The following ZBTB46 variants were observed in gnomAD, a reference collection of about 807,000 sequenced individuals.
The protein encoded by ZBTB46 is zinc finger and BTB domain-containing protein 46.
In ZBTB46, 8 loss-of-function variants were observed where a neutral mutation model predicts 44.1. The observed-to-expected ratio is 0.18, with a 90% CI of 0.11 to 0.33. The LOEUF is 0.33. Ranked by LOEUF, ZBTB46 falls within the 10% of genes least tolerant of loss-of-function variation. ZBTB46 has a pLI of 1.00. For missense variants in ZBTB46, 651 were observed against 847.7 expected, an observed-to-expected ratio of 0.77 and a Z score of 2.88; for synonymous variants, 409 against 382.3, an observed-to-expected ratio of 1.07 and a Z score of -0.81.
At chr20:63,802,586 G>A (rs1277435490) in intron 1 of ZBTB46, among the ~76,000 whole-genome samples, 2 of 151,714 alleles carry the variant, frequency 1.3e-5, no homozygotes, top group African/African-American at 2.4e-5. Flanking sequence ...CCCAGAAACC[G>A]CGGCGGGCCG....
chr20:63,782,298 A>C lies in ZBTB46; in HGVS notation c.938-6336T>G, dbSNP rs145580385. Among the ~76,000 whole-genome samples, 362 of 152,034 alleles carry C rather than the reference A, an allele frequency of 2.4e-3. 1 individual carries two copies. Among genetic ancestry groups the C allele is most frequent in the African/African-American group, 7.8e-3 (324 of 41,498 alleles). ...GTCCTGGATGAGCCACGTGGGCCCT[A>C]AACGGACCCACCAGGGCCCCGTCAG... On this transcript the variant is annotated intron_variant, in intron 2 of 4. Transcript: ENST00000245663.
intron 3 of ZBTB46, among the ~76,000 whole-genome samples, chr20:63,757,551 C>A (rs183910067): frequency 6.6e-6 from 1 of 152,184 alleles, no homozygotes; most frequent in Non-Finnish European, 1.5e-5. Flanking sequence ...GCGTGTCTAC[C>A]CTGCATCACC....
intron 1 of ZBTB46, among the ~76,000 whole-genome samples, chr20:63,823,858 T>TCG (rs1555859083): frequency 3.5e-5 from 5 of 144,718 alleles, no homozygotes; most frequent in Non-Finnish European, 7.5e-5. Flanking sequence ...TCTAGGAACC[T>TCG]TGTGTGTGTG....
upstream of ZBTB46, among the ~76,000 whole-genome samples, chr20:63,832,386 G>A (rs1169619758): frequency 6.7e-6 from 1 of 148,190 alleles, no homozygotes; most frequent in Non-Finnish European, 1.5e-5. This position sits in a 1 kb window ranked among gnomAD's most constrained non-coding sequence, Gnocchi z 5.0. Flanking sequence ...AGCCCGGCCC[G>A]GCCAACCAAT....
intron 1 of ZBTB46, among the ~76,000 whole-genome samples, chr20:63,809,108 G>C (rs1301475269): frequency 6.6e-6 from 1 of 151,876 alleles, no homozygotes. Flanking sequence ...GGCTCTCCAC[G>C]TTCGCCTTCC....
Position 63,787,065 on chromosome 20 carries a change from C to T in ZBTB46, c.937+2756G>A, listed in dbSNP as rs548572711. Among the ~76,000 whole-genome samples, 3 of 152,202 alleles carry T rather than the reference C, an allele frequency of 2.0e-5. No homozygotes were observed. The highest frequency in any genetic ancestry group is 1.9e-4 in the East Asian group (1 of 5,182). The stretch of plus-strand genomic sequence containing the variant: ...GTGTCAAAGTAGAACAGCATTTACC[C>T]GCAGGTGGGGTAGAGGCAAGAGGAA... On this transcript the variant is annotated intron_variant, in intron 2 of 4. Coordinates refer to ENST00000245663, the MANE Select transcript of ZBTB46 (RefSeq NM_001369741.1). This position sits in a 1 kb window ranked among gnomAD's most constrained non-coding sequence, Gnocchi z 4.6.
intron 1 of ZBTB46, among the ~76,000 whole-genome samples, chr20:63,807,406 G>A (rs1280919753): frequency 6.6e-6 from 1 of 152,070 alleles, no homozygotes; most frequent in Non-Finnish European, 1.5e-5. Context: ...GTGCAGTGGC[G>A]CCATCTTGGC....
chr20:63,764,605 GTT>G (rs11479608), intron 3 of ZBTB46, among the ~76,000 whole-genome samples: 7,581 of 141,826 alleles, frequency 0.053, 217 homozygotes, highest in African/African-American at 0.072. Flanking sequence ...TTTTTTCTCT[GTT>G]TTTTTTTTTT....
chr20:63,764,413 G>A (rs1175643520), intron 3 of ZBTB46, among the ~76,000 whole-genome samples: 1 of 151,722 alleles, frequency 6.6e-6, no homozygotes, highest in Non-Finnish European at 1.5e-5. Context: ...TCCAGCCTAG[G>A]TGACTGAGCG....
At chr20:63,824,109 C>T (rs1373738290) in intron 1 of ZBTB46, among the ~76,000 whole-genome samples, 1 of 152,018 alleles carries the variant, frequency 6.6e-6, no homozygotes, top group Non-Finnish European at 1.5e-5. Flanking sequence ...AACAAGCAGA[C>T]ACGTCCCACC....
chr20:63,800,003 C>T (rs576008942), intron 1 of ZBTB46, among the ~76,000 whole-genome samples: 8 of 152,312 alleles, frequency 5.3e-5, no homozygotes, highest in Non-Finnish European at 7.3e-5. Context: ...ACACCAGCTT[C>T]GCTCAGAACA....
intron 1 of ZBTB46, among the ~76,000 whole-genome samples, chr20:63,797,237 G>A (rs2092610826): frequency 7.0e-6 from 1 of 143,228 alleles, no homozygotes; most frequent in African/African-American, 2.6e-5. Context: ...CCACCTATGA[G>A]TCAGAACATG....
At chr20:63,796,402 T>G (rs2092604605) in intron 1 of ZBTB46, among the ~76,000 whole-genome samples, 1 of 152,210 alleles carries the variant, frequency 6.6e-6, no homozygotes, top group African/African-American at 2.4e-5. Context: ...TCCAAACCAC[T>G]CAGCGGGCAA....
rs1331398248 is a variant in ZBTB46, at chr20:63,828,532, G to A, written c.-34+2565C>T. On this transcript the variant is annotated intron_variant, in intron 1 of 4. Transcript: ENST00000245663. ...TTTAAATCTGCTAGAAAAACCAGTAGAGGGAAGTATCAACCATCACTCAAG... is the reference window on the plus strand; with the variant it reads ...TTTAAATCTGCTAGAAAAACCAGTAAAGGGAAGTATCAACCATCACTCAAG... Among the ~76,000 whole-genome samples the A allele has an allele frequency of 4.6e-5, 7 of 152,104 alleles. No homozygotes were observed. The East Asian group carries it at 1.3e-3, about 29-fold the overall frequency.
intron 1 of ZBTB46, among the ~76,000 whole-genome samples, chr20:63,798,842 TAAA>T (rs576160058): frequency 2.5e-5 from 3 of 117,820 alleles, no homozygotes; most frequent in Non-Finnish European, 1.8e-5. Flanking sequence ...AGACTCTGTC[TAAA>T]AAAAAAAAAA....
intron 1 of ZBTB46, among the ~76,000 whole-genome samples, chr20:63,806,026 C>T (rs1160463533): frequency 6.6e-6 from 1 of 151,568 alleles, no homozygotes; most frequent in Admixed American, 6.6e-5. Flanking sequence ...CTACCCGCCT[C>T]CGCCTCCCAA....
At chr20:63,782,122 C>T (rs1490622801) in intron 2 of ZBTB46, among the ~76,000 whole-genome samples, 8 of 151,346 alleles carry the variant, frequency 5.3e-5, no homozygotes, top group Non-Finnish European at 1.2e-4. Flanking sequence ...TGGCGATTTT[C>T]ACCAAAATCC....
rs1331772350 is a variant in ZBTB46 at position 63,747,321 on chromosome 20, G to C, written c.1399-20C>G. The stretch of plus-strand genomic sequence containing the variant: ...GTGGACCTGCAGAGGCAGGGCAGGG[G>C]GTGAGCAGGGCCTGGTGGGTTGGGG... On this transcript the variant is annotated intron_variant, in intron 4 of 4. Transcript: ENST00000245663. The C allele has an allele frequency of 7.1e-7, 1 of 1,399,118 alleles. No individual in the cohort carries two copies. The highest frequency in any genetic ancestry group is 3.4e-5 in the East Asian group (1 of 29,160). 86.7% of individuals were successfully genotyped at this position (1,399,118 alleles called of 1,614,324 possible).
chr20:63,808,902 G>C (rs1272963487), intron 1 of ZBTB46, among the ~76,000 whole-genome samples: 22 of 151,014 alleles, frequency 1.5e-4, no homozygotes, highest in Middle Eastern at 3.4e-3. Context: ...GCGGGAACCC[G>C]GGGGGCGGAG....
Sources: allele counts gnomAD v4.1 joint callset (sites outside exome capture counted in the v4.1 genomes callset), GRCh38; gene constraint gnomAD v4.1.1; non-coding constraint Gnocchi (gnomAD v3.1); transcripts MANE v1.5; gene names NCBI Gene and HGNC (gene_info 2026-07-23, HGNC 2026-07-21).